The following ESRRB variants were observed in gnomAD, a reference collection of about 807,000 sequenced individuals.
The protein encoded by ESRRB is steroid hormone receptor ERR2.
A neutral mutation model predicts 46.0 loss-of-function variants in ESRRB; 16 were observed. That is an observed-to-expected ratio of 0.35 (90% CI 0.24 to 0.53). The LOEUF (loss-of-function observed/expected upper bound fraction) is 0.53, where lower values mean the gene tolerates loss of function less well. Ranked by LOEUF, ESRRB falls within the 20% of genes least tolerant of loss-of-function variation. The probability of loss-of-function intolerance (pLI) is 0.93; values close to 1 mark genes in which losing one functional copy is unlikely to be tolerated. For missense variants in ESRRB, 488 were observed against 607.4 expected, an observed-to-expected ratio of 0.80 and a Z score of 2.07; for synonymous variants, 246 against 259.6, an observed-to-expected ratio of 0.95 and a Z score of 0.50.
intron 1 of ESRRB, among the ~76,000 whole-genome samples, chr14:76,323,306 C>CTT (rs57281578): frequency 9.4e-5 from 13 of 138,336 alleles, no homozygotes; most frequent in Admixed American, 1.5e-4. Context: ...CTCTCTTTCT[C>CTT]TTTTTTTTTT....
In ESRRB at chr14:76,439,292, C is replaced by T. The variant is rs1404257298; in HGVS notation, c.51-49C>T. 3.1e-6 allele frequency: 5 copies of T among 1,610,130 alleles called. No individual in the cohort carries two copies. In the Admixed American group the frequency reaches 8.3e-5, roughly 27 times the overall value. On this transcript the variant is annotated intron_variant, in intron 1 of 6. Coordinates refer to ENST00000644823, the MANE Select transcript of ESRRB (RefSeq NM_001379180.1). ...TACCTGCGGGGCTGGACCCGCCCACCACACCCACAGCACCTTGCTGGGGCT... is the reference window on the plus strand; with the variant it reads ...TACCTGCGGGGCTGGACCCGCCCACTACACCCACAGCACCTTGCTGGGGCT...
Position 76,494,942 on chromosome 14 carries a change from A to G in ESRRB, c.1120+3226A>G, listed in dbSNP as rs1219549561. Among the ~76,000 whole-genome samples, 3 of 152,006 alleles carry G rather than the reference A, an allele frequency of 2.0e-5. No homozygotes were observed. The East Asian group carries it at 5.8e-4, about 29-fold the overall frequency. On this transcript the variant is annotated intron_variant, in intron 6 of 6. Coordinates refer to ENST00000644823, the MANE Select transcript of ESRRB (RefSeq NM_001379180.1). ...AGAGTAAAGAGGTAGTGTCTCCTCC[A>G]CTCTTACTTGGTCCTCAGTACCGGA...
chr14:76,349,751 C>T (rs978578540), intron 1 of ESRRB, among the ~76,000 whole-genome samples: 3 of 152,052 alleles, frequency 2.0e-5, no homozygotes, highest in African/African-American at 4.8e-5. Context: ...GTCCCCAGCA[C>T]CTGGAACAGT....
intron 1 of ESRRB, among the ~76,000 whole-genome samples, chr14:76,357,978 T>C (rs1884403691): frequency 6.6e-6 from 1 of 151,916 alleles, no homozygotes; most frequent in Non-Finnish European, 1.5e-5. Flanking sequence ...TAACTTTCTT[T>C]AAAATAAATT....
At chr14:76,454,857 A>G (rs1281295950) in intron 2 of ESRRB, among the ~76,000 whole-genome samples, 1 of 152,214 alleles carries the variant, frequency 6.6e-6, no homozygotes, top group Non-Finnish European at 1.5e-5. Context: ...TTTAAAGAGT[A>G]TAAAAGAAAC....
upstream of ESRRB, among the ~76,000 whole-genome samples, chr14:76,373,799 G>C (rs1346086921): frequency 6.6e-6 from 1 of 152,178 alleles, no homozygotes; most frequent in East Asian, 1.9e-4. Flanking sequence ...CAGAGATAAG[G>C]CTCTGGTTCA....
At chr14:76,326,716 T>C (rs966104722) in intron 1 of ESRRB, among the ~76,000 whole-genome samples, 66 of 152,168 alleles carry the variant, frequency 4.3e-4, no homozygotes, top group African/African-American at 1.5e-3. Flanking sequence ...TGGAAGACGT[T>C]GGGGCTGCAC....
chr14:76,340,095 G>A (rs1182271315), intron 1 of ESRRB, among the ~76,000 whole-genome samples: 4 of 152,130 alleles, frequency 2.6e-5, no homozygotes, highest in Non-Finnish European at 5.9e-5. Context: ...ACAATTGGGG[G>A]GCAGGGTGGG....
At chr14:76,431,708 C>T (rs1887454225) in intron 1 of ESRRB, among the ~76,000 whole-genome samples, 1 of 152,302 alleles carries the variant, frequency 6.6e-6, no homozygotes, top group East Asian at 1.9e-4. Context: ...CAAGGGGCTT[C>T]GACCACTGAC....
intron 1 of ESRRB, among the ~76,000 whole-genome samples, chr14:76,378,238 G>A (rs912542239): frequency 3.9e-5 from 6 of 152,286 alleles, no homozygotes; most frequent in Admixed American, 2.0e-4. Context: ...ATGAAAATTC[G>A]TATGAAGGAA....
chr14:76,332,266 G>A (rs1354012139), intron 1 of ESRRB, among the ~76,000 whole-genome samples: 1 of 150,396 alleles, frequency 6.6e-6, no homozygotes, highest in Non-Finnish European at 1.5e-5. Flanking sequence ...CAGTGGAAAT[G>A]CAATGCAAGC....
intron 6 of ESRRB, chr14:76,495,590 AGAGT>A (rs895599816): frequency 1.3e-5 from 2 of 149,398 alleles, no homozygotes; most frequent in Admixed American, 6.7e-5. Context: ...CCTAGGCAAC[AGAGT>A]GAGACCCTTT....
At chr14:76,338,595 G>A (rs1409081620) in intron 1 of ESRRB, among the ~76,000 whole-genome samples, 1 of 152,248 alleles carries the variant, frequency 6.6e-6, no homozygotes, top group Non-Finnish European at 1.5e-5. Context: ...CTTTCGAAGA[G>A]AGGGGTATAG....
intron 6 of ESRRB, among the ~76,000 whole-genome samples, chr14:76,493,327 G>A (rs1174110111): frequency 2.0e-5 from 3 of 151,962 alleles, no homozygotes; most frequent in Non-Finnish European, 4.4e-5. Context: ...GCTAATTTTT[G>A]TATTTTTAGT....
chr14:76,483,273 T>G (rs1237036930), intron 5 of ESRRB, among the ~76,000 whole-genome samples: 1 of 152,198 alleles, frequency 6.6e-6, no homozygotes, highest in African/African-American at 2.4e-5. Context: ...CTCTGTCAAA[T>G]GGGAATACAA....
At position 76,500,441 on chromosome 14, in the gene ESRRB, G is replaced by A. The variant is rs1449682121; in HGVS notation, c.*1983G>A. 1.7e-6 allele frequency: 1 copy of A among 592,004 alleles called. No individual in the cohort carries two copies. Among genetic ancestry groups the A allele is most frequent in the Non-Finnish European group, 3.0e-6 (1 of 333,612 alleles). The allele number at this position is 592,004 out of a possible 1,614,324, so 36.7% of individuals were successfully genotyped here. ...ACATTTGGGGCAAAGGCCCCTTCTT[G>A]GCATCAAGGAACACCAGCTACAAAC... On this transcript the variant is annotated 3_prime_UTR_variant, in exon 7 of 7. Coordinates refer to ENST00000644823, the MANE Select transcript of ESRRB (RefSeq NM_001379180.1).
chr14:76,435,278 T>C (rs1052445527), intron 1 of ESRRB, among the ~76,000 whole-genome samples: 10 of 152,174 alleles, frequency 6.6e-5, no homozygotes, highest in Admixed American at 5.9e-4. Flanking sequence ...ATATGAAGAA[T>C]GAGAGAATGA....
intron 1 of ESRRB, among the ~76,000 whole-genome samples, chr14:76,419,424 A>G (rs564695388): frequency 8.5e-5 from 13 of 152,292 alleles, no homozygotes; most frequent in African/African-American, 3.1e-4. Flanking sequence ...GTGACATTGA[A>G]CAAGGAAATC....
chr14:76,361,394 G>A (rs926041090), intron 1 of ESRRB, among the ~76,000 whole-genome samples: 3 of 152,156 alleles, frequency 2.0e-5, no homozygotes, highest in African/African-American at 4.8e-5. Context: ...AGATTAAATA[G>A]CCATTATCTC....
Sources: gnomAD v4.1 joint callset for allele counts (sites outside exome capture counted in the v4.1 genomes callset) on GRCh38, gnomAD v4.1.1 for gene constraint, MANE v1.5 for transcripts, NCBI Gene and HGNC (gene_info 2026-07-23, HGNC 2026-07-21) for gene names.